Variants in ARL8B observed in about 807,000 individuals in gnomAD.
ARL8B encodes ARF like GTPase 8B.
ARL8B carries 9 observed loss-of-function variants against 30.6 expected under a neutral mutation model. That is an observed-to-expected ratio of 0.29 (90% confidence interval 0.18 to 0.51). ARL8B has a LOEUF of 0.51. Ranked by LOEUF, ARL8B falls within the 20% of genes least tolerant of loss-of-function variation. The pLI, the probability that ARL8B is intolerant of heterozygous loss-of-function variation, is 0.97. For missense variants in ARL8B, 130 were observed against 227.2 expected, an observed-to-expected ratio of 0.57 and a Z score of 2.75; for synonymous variants, 74 against 76.0, an observed-to-expected ratio of 0.97 and a Z score of 0.14.
At chr3:5,147,600 C>T (rs752950746) in intron 1 of ARL8B, among the ~76,000 whole-genome samples, 13 of 152,094 alleles carry the variant, frequency 8.5e-5, no homozygotes, top group Admixed American at 1.3e-4. Flanking sequence ...TTTGATTTAA[C>T]GTTTTTCTGA....
intron 1 of ARL8B, among the ~76,000 whole-genome samples, chr3:5,136,784 C>G (rs780954458): frequency 6.6e-6 from 1 of 152,094 alleles, no homozygotes; most frequent in Non-Finnish European, 1.5e-5. Flanking sequence ...GCCCAAGATA[C>G]CAATTGATTT....
chr3:5,169,110 G>A (rs2054648145), intron 1 of ARL8B, among the ~76,000 whole-genome samples: 2 of 151,984 alleles, frequency 1.3e-5, no homozygotes, highest in Admixed American at 1.3e-4. Flanking sequence ...AAAACACAAA[G>A]TATCATCTTA....
chr3:5,149,205 C>T (rs1267599789), intron 1 of ARL8B, among the ~76,000 whole-genome samples: 1 of 152,220 alleles, frequency 6.6e-6, no homozygotes, highest in Non-Finnish European at 1.5e-5. Flanking sequence ...ACAAGGTTGC[C>T]TGGTTGCTGC....
At chr3:5,145,692 G>C (rs183543449) in intron 1 of ARL8B, among the ~76,000 whole-genome samples, 1 of 152,162 alleles carries the variant, frequency 6.6e-6, no homozygotes, top group Non-Finnish European at 1.5e-5. Context: ...ACCATTGCAA[G>C]GAATCAGGTT....
intron 1 of ARL8B, among the ~76,000 whole-genome samples, chr3:5,155,905 T>TGG (rs2054529256): frequency 6.7e-6 from 1 of 150,368 alleles, no homozygotes; most frequent in African/African-American, 2.5e-5. Flanking sequence ...TGTGTGTGTG[T>TGG]GTTGTTTTTG....
At chr3:5,172,002 G>C in intron 2 of ARL8B, 148 bp from the exon 3 acceptor site, 1 of 651,282 alleles carries the variant, frequency 1.5e-6, no homozygotes, top group South Asian at 2.3e-5. Context: ...TTAAGAGCTT[G>C]TTTGAGGTCA....
Position 5,164,201 on chromosome 3 carries a change from T to C in ARL8B, c.124-6302T>C, listed in dbSNP as rs189907190. On this transcript the variant is annotated intron_variant, in intron 1 of 6. Transcript: ENST00000256496. ...TGGACCCATATGCACTTCAAACCTG[T>C]GTAGTTCAAGGGTTAACTTTAGTTA... is the stretch of plus-strand genomic sequence containing the variant. 1.1e-3 allele frequency among the ~76,000 whole-genome samples: 169 copies of C among 152,350 alleles called. 1 individual carries two copies. Among genetic ancestry groups the C allele is most frequent in the African/African-American group, 4.0e-3 (166 of 41,586 alleles).
At chr3:5,172,556 T>A (rs1240173538) in intron 3 of ARL8B, 91 bp from the exon 4 acceptor site, 4 of 891,642 alleles carry the variant, frequency 4.5e-6, no homozygotes, top group Non-Finnish European at 7.0e-6. Flanking sequence ...TTCAATAATG[T>A]AAATCTTACA....
chr3:5,149,643 G>A (rs372945027), intron 1 of ARL8B, among the ~76,000 whole-genome samples: 7 of 152,052 alleles, frequency 4.6e-5, no homozygotes, highest in East Asian at 1.9e-4. Flanking sequence ...CTTAAGTTTC[G>A]ATTTCCCAAT....
intron 1 of ARL8B, among the ~76,000 whole-genome samples, chr3:5,162,772 T>TTTTTACTA (rs1476253709): frequency 6.6e-6 from 1 of 152,180 alleles, no homozygotes. Flanking sequence ...GAATCTTTTA[T>TTTTTACTA]TTTTACTATG....
chr3:5,168,361 A>G (rs1255190348), intron 1 of ARL8B, among the ~76,000 whole-genome samples: 2 of 152,246 alleles, frequency 1.3e-5, no homozygotes, highest in Non-Finnish European at 2.9e-5. Flanking sequence ...TTGAGCCACT[A>G]TGCCTGGCCC....
At chr3:5,149,532 C>T (rs908418511) in intron 1 of ARL8B, among the ~76,000 whole-genome samples, 2 of 152,246 alleles carry the variant, frequency 1.3e-5, no homozygotes, top group Non-Finnish European at 2.9e-5. Context: ...CAAGTCCCTC[C>T]CCCAGTTCTT....
chr3:5,135,862 C>T (rs756269400), intron 1 of ARL8B, among the ~76,000 whole-genome samples: 7 of 151,004 alleles, frequency 4.6e-5, no homozygotes, highest in Non-Finnish European at 8.8e-5. Context: ...TGTTGGCTCA[C>T]TGCAACCTCC....
intron 1 of ARL8B, among the ~76,000 whole-genome samples, chr3:5,150,463 A>AAAATAAATAAATAAAT (rs4054853): frequency 0.019 from 2,765 of 145,976 alleles, 81 homozygotes; most frequent in African/African-American, 0.052. Context: ...AATCCATGTC[A>AAAATAAATAAATAAAT]AAATAAATAA....
At chr3:5,163,362 T>C (rs996688911) in intron 1 of ARL8B, among the ~76,000 whole-genome samples, 6 of 152,200 alleles carry the variant, frequency 3.9e-5, no homozygotes, top group Admixed American at 3.9e-4. Flanking sequence ...TCTTTTAACA[T>C]GTACTTTTTA....
chr3:5,179,217 T>A lies in ARL8B; in HGVS notation c.*504T>A, dbSNP rs1444207012. 6.5e-6 allele frequency: 1 copy of A among 152,784 alleles called. No homozygotes were observed. The highest frequency in any genetic ancestry group is 2.4e-5 in the African/African-American group (1 of 41,460). The allele number at this position is 152,784 out of a possible 1,614,324, so 9.5% of individuals were successfully genotyped here. On this transcript the variant is annotated 3_prime_UTR_variant, in exon 7 of 7. Transcript: ENST00000256496. ...GACTCATGTGGGATATATGTAAACATAATGTTTATTTTATCTCACAAATGC... is the reference window on the plus strand; with the variant it reads ...GACTCATGTGGGATATATGTAAACAAAATGTTTATTTTATCTCACAAATGC...
At chr3:5,123,550 G>T (rs1363696846) in intron 1 of ARL8B, among the ~76,000 whole-genome samples, 1 of 152,196 alleles carries the variant, frequency 6.6e-6, no homozygotes, top group Non-Finnish European at 1.5e-5. Context: ...CTCAGTTTTA[G>T]CTGGTAGTGG....
chr3:5,174,386 A>G lies in ARL8B; in HGVS notation c.483A>G (p.Ser161=), dbSNP rs752779444. 1 of 1,607,980 alleles carries G rather than the reference A, an allele frequency of 6.2e-7. No homozygotes were observed. The highest frequency in any genetic ancestry group is 8.5e-7 in the Non-Finnish European group (1 of 1,174,768). ...AGGATAGAGAAATTTGCTGCTATTC[A>G]ATTTCTTGCAAAGAAAAGGATAATA... ...AIQDREICCY[S]ISCKEKDNID... is the part of the protein sequence containing the mutation. Residue 161 remains serine (S), a synonymous_variant, in exon 6 of 7, where the codon TCA becomes TCG. Coordinates refer to ENST00000256496, the MANE Select transcript of ARL8B (RefSeq NM_018184.3).
intron 1 of ARL8B, among the ~76,000 whole-genome samples, chr3:5,170,110 A>G (rs2054659673): frequency 1.3e-5 from 2 of 152,260 alleles, no homozygotes; most frequent in Non-Finnish European, 1.5e-5. Flanking sequence ...GCTGTTTAGC[A>G]GTGAATTTTA....
Sources: allele counts gnomAD v4.1 joint callset (sites outside exome capture counted in the v4.1 genomes callset), GRCh38; gene constraint gnomAD v4.1.1; transcripts MANE v1.5; gene names NCBI Gene and HGNC (gene_info 2026-07-23, HGNC 2026-07-21).